The following NBPF20 variants were observed in gnomAD, a reference collection of about 807,000 sequenced individuals.
The protein encoded by NBPF20 is NBPF family member NBPF20.
NBPF20 carries 90 observed loss-of-function variants against 68.1 expected under a neutral mutation model. The ratio of observed to expected loss-of-function variants is 1.32; its 90% confidence interval spans 1.11 to 1.58. The LOEUF (loss-of-function observed/expected upper bound fraction) is 1.58, where lower values mean the gene tolerates loss of function less well. NBPF20 is among the 40% of genes most tolerant of loss of function. The pLI, the probability that NBPF20 is intolerant of heterozygous loss-of-function variation, is 0.00. For missense variants in NBPF20, 816 were observed against 601.2 expected, an observed-to-expected ratio of 1.36 and a Z score of -3.74; for synonymous variants, 290 against 228.1, an observed-to-expected ratio of 1.27 and a Z score of -2.45.
At chr1:145,422,268 T>C in the NBPF20 span, among the ~76,000 whole-genome samples, 3 of 151,366 alleles carry the variant, frequency 2.0e-5, no homozygotes, top group Admixed American at 6.7e-5. Context: ...GAGTCAAAAC[T>C]GTAGCTCTGT....
Position 145,291,719 on chromosome 1 carries a change from G to T in NBPF20, c.16748C>A (p.Ser5583Ter), listed in dbSNP as rs782739503. 2.5e-6 allele frequency: 4 copies of T among 1,611,966 alleles called. No homozygotes were observed. The highest frequency in any genetic ancestry group is 3.4e-6 in the Non-Finnish European group (4 of 1,179,868). ...CGGAGTAGAATAACATCCATCCAGTGAGTCCTGTAAGACTTCAGGCTCTTC... is the reference window on the plus strand; with the variant it reads ...CGGAGTAGAATAACATCCATCCAGTTAGTCCTGTAAGACTTCAGGCTCTTC... Residue 5583 changes from serine to a stop codon, truncating the protein, a stop_gained, in exon 138 of 138, where the codon TCA (serine) becomes TAA (stop). Coordinates refer to ENST00000369373, the Ensembl canonical transcript of NBPF20. LOFTEE classifies it high-confidence loss of function.
At chr1:145,405,414 G>A (rs1553666988) in exon 1 of NBPF20, 2 of 1,570,030 alleles carry the variant, frequency 1.3e-6, no homozygotes, top group African/African-American at 1.4e-5. Context: ...CCTTACTGTT[G>A]TGAAAAATGT....
chr1:145,390,355 CAG>C (rs1661946087), intron 13 of NBPF20, among the ~76,000 whole-genome samples: 6 of 65,080 alleles, frequency 9.2e-5, no homozygotes, highest in Admixed American at 2.1e-4. Context: ...GACACACACA[CAG>C]ACACACACAC....
At chr1:145,402,297 G>A (rs1379618675) in exon 4 of NBPF20, 2 of 1,610,458 alleles carry the variant, frequency 1.2e-6, no homozygotes, top group African/African-American at 2.7e-5. Context: ...CATTCAATGA[G>A]CGGGAGGCAT....
At chr1:145,394,949 C>G in intron 8 of NBPF20, 29 bp downstream of exon 13, 1 of 1,611,952 alleles carries the variant, frequency 6.2e-7, no homozygotes, top group Non-Finnish European at 8.5e-7. Context: ...TGAACTGGAG[C>G]TTTATCACCT....
intron 2 of NBPF20, among the ~76,000 whole-genome samples, chr1:145,403,858 G>A (rs1380005403): frequency 4.0e-5 from 6 of 151,770 alleles, no homozygotes; most frequent in Non-Finnish European, 8.8e-5. Context: ...ACACCTTAAG[G>A]CCATGAAGGA....
At chr1:145,403,769 T>A (rs1230497760) in intron 2 of NBPF20, among the ~76,000 whole-genome samples, 1 of 151,834 alleles carries the variant, frequency 6.6e-6, no homozygotes, top group East Asian at 1.9e-4. Context: ...GTGAAAGATT[T>A]TTAAAATCTT....
chr1:145,290,135 G>T (rs587674896), exon 138 of NBPF20: 3 of 148,604 alleles, frequency 2.0e-5, no homozygotes, highest in Non-Finnish European at 4.4e-5. Flanking sequence ...TAAAAATTGA[G>T]ACCCAAAATT....
At chr1:145,393,303 C>G (rs1662004943) in intron 9 of NBPF20, 57 bp from the exon 15 acceptor site, 3 of 675,440 alleles carry the variant, frequency 4.4e-6, no homozygotes, top group Non-Finnish European at 8.1e-6. Flanking sequence ...ACCACACAGC[C>G]CCAGCTAGAT....
Position 145,401,134 on chromosome 1 carries a change from G to T in NBPF20, c.494-3C>A, listed in dbSNP as rs1469552521. The T allele has an allele frequency of 6.2e-7, 1 of 1,604,160 alleles. No individual in the cohort carries two copies. The highest frequency in any genetic ancestry group is 2.2e-5 in the East Asian group (1 of 44,858). On this transcript the variant is annotated splice_polypyrimidine_tract_variant and splice_region_variant and intron_variant, in intron 4 of 137. Coordinates refer to ENST00000369373, the Ensembl canonical transcript of NBPF20. The stretch of plus-strand genomic sequence containing the variant: ...TTCATCGTCATCGTTGTCATTTTCT[G>T]TAAATACAGAAGTGTTCGTTCAGAT...
At chr1:145,409,960 G>T (rs497108), upstream of NBPF20, among the ~76,000 whole-genome samples, 2 of 151,898 alleles carry the variant, frequency 1.3e-5, no homozygotes, top group Non-Finnish European at 2.9e-5. Context: ...GTCTCGTTAC[G>T]GAGCCACGAG....
intron 136 of NBPF20, among the ~76,000 whole-genome samples, chr1:145,292,908 T>A (rs1415991893): frequency 1.6e-4 from 5 of 30,570 alleles, no homozygotes; most frequent in African/African-American, 6.9e-4. Context: ...CTACAAACCC[T>A]TGAGTCAAAA....
At chr1:145,421,629 A>T in the NBPF20 span, among the ~76,000 whole-genome samples, 2 of 152,346 alleles carry the variant, frequency 1.3e-5, no homozygotes, top group Admixed American at 1.3e-4. Flanking sequence ...GCTTATGTTG[A>T]AAATGAGATT....
intron 7 of NBPF20, among the ~76,000 whole-genome samples, chr1:145,398,768 A>T (rs1308997681): frequency 3.3e-5 from 5 of 151,886 alleles, no homozygotes; most frequent in African/African-American, 1.2e-4. Flanking sequence ...AAACCCTTCA[A>T]AAGATCAATG....
At position 145,402,462 on chromosome 1, in the gene NBPF20, T is replaced by G. The variant is rs1265399923; in HGVS notation, c.279-81A>C. 7.2e-6 allele frequency: 11 copies of G among 1,526,488 alleles called. No individual in the cohort carries two copies. The East Asian group carries it at 2.5e-4, about 34-fold the overall frequency. The allele number at this position is 1,526,488 out of a possible 1,614,324, so 94.6% of individuals were successfully genotyped here. A position where few individuals can be genotyped will look rare whatever the true frequency, so the allele number is the denominator to read the frequency against. On this transcript the variant is annotated intron_variant, in intron 3 of 137. Transcript: ENST00000369373. ...AATATTGCAACAGAGATTTCTGAGA[T>G]AATGTCCTCAAGGAGACCTCGAAGC... is the stretch of plus-strand genomic sequence containing the variant.
In NBPF20 at chr1:145,378,044, TG is replaced by T; in HGVS notation, c.3462del (p.Arg1155GlyfsTer35). On this transcript the variant is annotated frameshift_variant and splice_region_variant, in exon 29 of 138. Transcript: ENST00000369373. LOFTEE classifies it high-confidence loss of function. The stretch of plus-strand genomic sequence containing the variant: ...GCATCCATAATTGCTCAAAGTTACC[TG>T]GGGCATGATGGGTCTTGGTCTTCTT... 7.8e-6 allele frequency: 3 copies of T among 386,154 alleles called. No individual in the cohort carries two copies. Among genetic ancestry groups the T allele is most frequent in the Non-Finnish European group, 8.9e-6 (2 of 224,790 alleles). The allele number at this position is 386,154 out of a possible 1,614,324, so 23.9% of individuals were successfully genotyped here. A position where few individuals can be genotyped will look rare whatever the true frequency, so the allele number is the denominator to read the frequency against.
Position 145,397,012 on chromosome 1 carries a change from T to G in NBPF20, c.828-1871A>C, listed in dbSNP as rs1381728165. Among the ~76,000 whole-genome samples the G allele has an allele frequency of 3.4e-5, 4 of 117,380 alleles. No homozygotes were observed. The Admixed American group carries it at 3.8e-4, about 11-fold the overall frequency. The allele number at this position is 117,380 out of a possible 152,430, so 77.0% of individuals were successfully genotyped here. On this transcript the variant is annotated intron_variant, in intron 7 of 137. Coordinates refer to ENST00000369373, the Ensembl canonical transcript of NBPF20. ...CAATTCCCACCTGTGAGTAAGAACA[T>G]GCGGTATTTGGTTTTTTGTCCTTGC...
At chr1:145,311,688 T>A (rs1661484117) in intron 112 of NBPF20, among the ~76,000 whole-genome samples, 200 bp from the exon 118 acceptor site, 1 of 26,656 alleles carries the variant, frequency 3.8e-5, no homozygotes, top group Non-Finnish European at 5.4e-5. Flanking sequence ...TGGGTAAAAT[T>A]CCCTATTCTG....
In NBPF20 at chr1:145,394,565, C is replaced by A. The variant is rs1237963556; in HGVS notation, c.991+413G>T. 3.3e-5 allele frequency among the ~76,000 whole-genome samples: 5 copies of A among 151,966 alleles called. No homozygotes were observed. The East Asian group carries it at 9.7e-4, about 29-fold the overall frequency. ...GAGAGGTAGACAAGGGTGACACTGG[C>A]CTTGGGCGGGTAAAGAACCACACAG... On this transcript the variant is annotated intron_variant, in intron 8 of 137. Transcript: ENST00000369373.
Sources: gnomAD v4.1 joint callset for allele counts (sites outside exome capture counted in the v4.1 genomes callset) on GRCh38, gnomAD v4.1.1 for gene constraint, MANE v1.5 for transcripts, NCBI Gene and HGNC (gene_info 2026-07-23, HGNC 2026-07-21) for gene names.